Variants in XYLT1 observed in about 807,000 individuals in gnomAD.
The protein encoded by XYLT1 is xylosyltransferase 1.
XYLT1 carries 36 observed loss-of-function variants against 91.3 expected under a neutral mutation model. The observed-to-expected ratio is 0.39, with a 90% CI of 0.30 to 0.52. The LOEUF is 0.52. Among genes scored for constraint, XYLT1 ranks in the 20% least tolerant of loss-of-function variants. The pLI, the probability that XYLT1 is intolerant of heterozygous loss-of-function variation, is 0.68. For missense variants in XYLT1, 1,242 were observed against 1,284.5 expected (o/e 0.97, Z 0.51); for synonymous variants, 588 against 532.0 (o/e 1.11, Z -1.45).
intron 2 of XYLT1, among the ~76,000 whole-genome samples, chr16:17,311,885 C>T (rs1387655318): frequency 1.3e-5 from 2 of 148,662 alleles, no homozygotes; most frequent in African/African-American, 2.5e-5. Context: ...CTTATAAAAC[C>T]ATCAGATCTC....
At chr16:17,120,263 C>T (rs937679976) in intron 10 of XYLT1, among the ~76,000 whole-genome samples, 8 of 152,196 alleles carry the variant, frequency 5.3e-5, no homozygotes, top group South Asian at 2.1e-4. Flanking sequence ...TAAAGAAACC[C>T]GATTTCTATT....
chr16:17,220,247 G>A lies in XYLT1; in HGVS notation c.914-19593C>T, dbSNP rs531361932. 2.6e-5 allele frequency among the ~76,000 whole-genome samples: 4 copies of A among 152,310 alleles called. No individual in the cohort carries two copies. In the South Asian group the frequency reaches 8.3e-4, roughly 32 times the overall value. On this transcript the variant is annotated intron_variant, in intron 3 of 11. Coordinates refer to ENST00000261381, the MANE Select transcript of XYLT1 (RefSeq NM_022166.4). ...AACCTAACAGATGATACTTAAATGA[G>A]AAAGGCAGAGAAATGACATTTGGTT...
intron 1 of XYLT1, among the ~76,000 whole-genome samples, chr16:17,450,078 CCTGTAA>C: frequency 6.6e-6 from 1 of 152,100 alleles, no homozygotes; most frequent in Non-Finnish European, 1.5e-5. Flanking sequence ...GTGGCTCACA[CCTGTAA>C]TCCAGCACTT....
intron 3 of XYLT1, among the ~76,000 whole-genome samples, chr16:17,225,022 T>C (rs1286980643): frequency 6.6e-6 from 1 of 152,098 alleles, no homozygotes; most frequent in African/African-American, 2.4e-5. Flanking sequence ...ATTTGGCTTG[T>C]GGGCTATCAT....
chr16:17,391,846 G>T (rs1054787020), intron 1 of XYLT1, among the ~76,000 whole-genome samples: 1 of 152,130 alleles, frequency 6.6e-6, no homozygotes, highest in Non-Finnish European at 1.5e-5. Flanking sequence ...AGATCTGATG[G>T]TTTTATAAGG....
chr16:17,156,037 C>T (rs1029768273), intron 6 of XYLT1, among the ~76,000 whole-genome samples: 16 of 152,170 alleles, frequency 1.1e-4, no homozygotes, highest in African/African-American at 3.9e-4. Context: ...ATGCCAAATG[C>T]TGTATATGCA....
chr16:17,179,024 G>A (rs896321480), intron 5 of XYLT1, among the ~76,000 whole-genome samples: 1 of 151,688 alleles, frequency 6.6e-6, no homozygotes, highest in African/African-American at 2.4e-5. Flanking sequence ...AGCTGTGACT[G>A]TGCCACTGCA....
intron 3 of XYLT1, among the ~76,000 whole-genome samples, chr16:17,228,696 T>G (rs568469247): frequency 6.1e-4 from 93 of 152,326 alleles, no homozygotes; most frequent in African/African-American, 1.9e-3. Flanking sequence ...CCATCCATTT[T>G]GCTCCTCCGG....
At chr16:17,429,213 C>G (rs191316727) in intron 1 of XYLT1, among the ~76,000 whole-genome samples, 2 of 152,188 alleles carry the variant, frequency 1.3e-5, no homozygotes, top group African/African-American at 4.8e-5. Flanking sequence ...TTTGAAACCC[C>G]CTCTGTCCAA....
intron 2 of XYLT1, among the ~76,000 whole-genome samples, chr16:17,339,437 T>C (rs947472637): frequency 1.3e-5 from 2 of 152,352 alleles, no homozygotes; most frequent in African/African-American, 2.4e-5. Context: ...TACTTGTCAT[T>C]ACTTCAAAAT....
At position 17,108,017 on chromosome 16, in the gene XYLT1, C is replaced by T. The variant is rs1186968064; in HGVS notation, c.*678G>A. On this transcript the variant is annotated 3_prime_UTR_variant, in exon 12 of 12. Transcript: ENST00000261381. Reference sequence around the variant, plus strand: ...ACCCAAGGAGGGCTGCTGAGAGGCTCAGAGCTCTCCTAAGGCTGCAGCCTC... The same window carrying T: ...ACCCAAGGAGGGCTGCTGAGAGGCTTAGAGCTCTCCTAAGGCTGCAGCCTC... 5 of 152,642 alleles carry T rather than the reference C, an allele frequency of 3.3e-5. No individual in the cohort carries two copies. The highest frequency in any genetic ancestry group is 1.2e-4 in the African/African-American group (5 of 41,430). 9.5% of individuals were successfully genotyped at this position (152,642 alleles called of 1,614,324 possible).
chr16:17,373,040 G>A (rs1381537143), intron 1 of XYLT1, among the ~76,000 whole-genome samples: 1 of 152,064 alleles, frequency 6.6e-6, no homozygotes, highest in East Asian at 1.9e-4. Context: ...TATAATCATA[G>A]CTATATTTAT....
chr16:17,428,868 GCTGGGCTGGGAGGCTGCTATTTCAGACT>G (rs1334592013), intron 1 of XYLT1, among the ~76,000 whole-genome samples: 1 of 152,192 alleles, frequency 6.6e-6, no homozygotes, highest in Non-Finnish European at 1.5e-5. Flanking sequence ...TCTGGTCCCT[GCTGGGCTGGGAGGCTGCTATTTCAGACT>G]CAATCAGCTA....
chr16:17,284,465 A>C (rs2034104886), intron 2 of XYLT1, among the ~76,000 whole-genome samples: 1 of 152,198 alleles, frequency 6.6e-6, no homozygotes, highest in South Asian at 2.1e-4. Context: ...TGAGTACTTT[A>C]AAGAAAGATA....
At chr16:17,418,850 A>T (rs768787095) in intron 1 of XYLT1, among the ~76,000 whole-genome samples, 7 of 151,866 alleles carry the variant, frequency 4.6e-5, no homozygotes, top group Non-Finnish European at 7.4e-5. Context: ...CCTGTCTCAA[A>T]AAATAAATAA....
At chr16:17,273,925 T>A (rs1180812065) in intron 2 of XYLT1, among the ~76,000 whole-genome samples, 3 of 151,984 alleles carry the variant, frequency 2.0e-5, no homozygotes, top group Admixed American at 1.3e-4. Context: ...CATTCGTTTA[T>A]TTTGGAGACA....
At position 17,104,634 on chromosome 16, in the gene XYLT1, A is replaced by G. The variant is rs924403982; in HGVS notation, c.*4061T>C. 3 of 152,112 alleles carry G rather than the reference A, an allele frequency of 2.0e-5. No homozygotes were observed. Among genetic ancestry groups the G allele is most frequent in the African/African-American group, 7.3e-5 (3 of 41,372 alleles). 9.4% of individuals were successfully genotyped at this position (152,112 alleles called of 1,614,324 possible). ...ACAGTGGAATTTTTCTTTGCCCACT[A>G]TCTGTTAAAAAAAACAAAAACAAAC... On this transcript the variant is annotated 3_prime_UTR_variant, in exon 12 of 12. Transcript: ENST00000261381.
intron 2 of XYLT1, among the ~76,000 whole-genome samples, chr16:17,322,433 G>A (rs2034737818): frequency 6.6e-6 from 1 of 152,180 alleles, no homozygotes; most frequent in Non-Finnish European, 1.5e-5. Flanking sequence ...CTGAGACAGA[G>A]TGCTGCAGTG....
At chr16:17,373,226 T>G (rs926810774) in intron 1 of XYLT1, among the ~76,000 whole-genome samples, 1 of 152,146 alleles carries the variant, frequency 6.6e-6, no homozygotes, top group African/African-American at 2.4e-5. Context: ...ACAGTCCAGC[T>G]TCTCAGATCC....
Sources: allele counts gnomAD v4.1 joint callset (sites outside exome capture counted in the v4.1 genomes callset), GRCh38; gene constraint gnomAD v4.1.1; transcripts MANE v1.5; gene names NCBI Gene and HGNC (gene_info 2026-07-23, HGNC 2026-07-21).